Variants in EPHA7 observed in about 807,000 individuals in gnomAD.
EPHA7 encodes the protein EPH receptor A7, also known as ephrin type-A receptor 7.
In EPHA7, 25 loss-of-function variants were observed where a neutral mutation model predicts 112.6. The ratio of observed to expected loss-of-function variants is 0.22; its 90% CI spans 0.16 to 0.31. EPHA7 has a LOEUF of 0.31. EPHA7 is among the 10% of genes least tolerant of loss of function. The pLI, the probability that EPHA7 is intolerant of heterozygous loss-of-function variation, is 1.00. For synonymous variants in EPHA7, 437 were observed against 406.5 expected (o/e 1.07, Z -0.90); for missense variants, 962 against 1,212.6 (o/e 0.79, Z 3.07).
intron 5 of EPHA7, among the ~76,000 whole-genome samples, chr6:93,353,400 A>T (rs575661795): frequency 3.5e-4 from 54 of 152,296 alleles, no homozygotes; most frequent in African/African-American, 1.2e-3. Context: ...TAAAGCTAAG[A>T]TTTACATAAG....
At chr6:93,383,576 A>T (rs1327098518) in intron 3 of EPHA7, among the ~76,000 whole-genome samples, 1 of 152,170 alleles carries the variant, frequency 6.6e-6, no homozygotes, top group Non-Finnish European at 1.5e-5. Context: ...CCAAAATGTA[A>T]TATCTTAGGC....
At chr6:93,358,143 T>G (rs9345354) in intron 4 of EPHA7, 113 bp downstream of exon 4, 136,633 of 754,442 alleles carry the variant, frequency 0.18, 13,854 homozygotes, top group East Asian at 0.37. Context: ...AATTTTAATA[T>G]TTAAGTATAA....
intron 5 of EPHA7, among the ~76,000 whole-genome samples, chr6:93,276,370 C>A (rs1771470455): frequency 6.6e-6 from 1 of 151,962 alleles, no homozygotes; most frequent in African/African-American, 2.4e-5. Context: ...TTGACCAGTA[C>A]AGAAATCAAT....
intron 9 of EPHA7, among the ~76,000 whole-genome samples, 180 bp downstream of exon 9, chr6:93,263,680 T>G (rs1770793584): frequency 6.6e-6 from 1 of 151,520 alleles, no homozygotes; most frequent in Non-Finnish European, 1.5e-5. Flanking sequence ...TTTTATTTTT[T>G]CAAATTCACA....
rs188793705 is a variant in EPHA7, at chr6:93,241,315, T to C, written c.*2111A>G. ...ACACTCACTCAAACTCTTTCACTCA[T>C]TCTCACAAAGGCCAATGCTACTGAT... is the stretch of plus-strand genomic sequence containing the variant. On this transcript the variant is annotated 3_prime_UTR_variant, in exon 17 of 17. Coordinates refer to ENST00000369303, the MANE Select transcript of EPHA7 (RefSeq NM_004440.4). 3.4e-3 allele frequency: 744 copies of C among 219,306 alleles called. 2 individuals carry two copies. Among genetic ancestry groups the C allele is most frequent in the Admixed American group, 4.7e-3 (82 of 17,328 alleles). The allele number at this position is 219,306 out of a possible 1,614,324, so 13.6% of individuals were successfully genotyped here.
chr6:93,275,807 A>G (rs747115281), intron 5 of EPHA7, among the ~76,000 whole-genome samples: 2 of 152,076 alleles, frequency 1.3e-5, no homozygotes, highest in Non-Finnish European at 2.9e-5. Flanking sequence ...GGGTTTATGT[A>G]CAGACCTGAA....
chr6:93,376,210 A>G (rs1777052943), intron 3 of EPHA7, among the ~76,000 whole-genome samples: 1 of 152,066 alleles, frequency 6.6e-6, no homozygotes, highest in Admixed American at 6.6e-5. Context: ...TGGTATGATC[A>G]CTATTCACTG....
intron 5 of EPHA7, among the ~76,000 whole-genome samples, chr6:93,339,946 G>A (rs1775062998): frequency 6.6e-6 from 1 of 151,310 alleles, no homozygotes; most frequent in African/African-American, 2.4e-5. Flanking sequence ...AATTATATTC[G>A]CCATATTCCA....
intron 3 of EPHA7, among the ~76,000 whole-genome samples, chr6:93,373,539 C>A (rs1776905801): frequency 6.6e-6 from 1 of 152,092 alleles, no homozygotes; most frequent in Admixed American, 6.5e-5. Context: ...CCATTGACTT[C>A]TACTCATGAT....
Position 93,405,783 on chromosome 6 carries a change from ATGTGTGTG to A in EPHA7, c.832+4710_832+4717del, listed in dbSNP as rs371052750. ...TGGTGTTTCTTATATTTCTGTATAT[ATGTGTGTG>A]TGTGTGTGTGTGTGTGTGTGTGTAT... On this transcript the variant is annotated intron_variant, in intron 3 of 16. Transcript: ENST00000369303. 9.1e-3 allele frequency among the ~76,000 whole-genome samples: 860 copies of A among 94,980 alleles called. 8 individuals are homozygous for A. The highest frequency in any genetic ancestry group is 0.018 in the Middle Eastern group (3 of 164). The allele number at this position is 94,980 out of a possible 152,430, so 62.3% of individuals were successfully genotyped here.
At chr6:93,266,349 C>A (rs1375479713) in intron 7 of EPHA7, among the ~76,000 whole-genome samples, 2 of 151,546 alleles carry the variant, frequency 1.3e-5, no homozygotes, top group African/African-American at 4.8e-5. Flanking sequence ...GTCTTAGGCT[C>A]AGTTTTTCCC....
chr6:93,391,300 T>C (rs1777893862), intron 3 of EPHA7, among the ~76,000 whole-genome samples: 1 of 151,932 alleles, frequency 6.6e-6, no homozygotes, highest in South Asian at 2.1e-4. Context: ...CTGTGGCATC[T>C]TTACTTGAGA....
chr6:93,416,998 G>GTCGGGAAGAGGAGAGTGGCTT (rs1335909013), intron 1 of EPHA7, among the ~76,000 whole-genome samples: 32 of 152,190 alleles, frequency 2.1e-4, no homozygotes, highest in Non-Finnish European at 3.1e-4. Flanking sequence ...TCGAGAAGGA[G>GTCGGGAAGAGGAGAGTGGCTT]TCGGGAAGAG....
intron 5 of EPHA7, among the ~76,000 whole-genome samples, chr6:93,336,083 T>C (rs925319789): frequency 1.3e-5 from 2 of 152,144 alleles, no homozygotes; most frequent in Admixed American, 6.6e-5. Context: ...GTTTAAAAAA[T>C]AGTTCATGTA....
intron 3 of EPHA7, among the ~76,000 whole-genome samples, chr6:93,405,074 G>A (rs1488313184): frequency 6.6e-6 from 1 of 151,794 alleles, no homozygotes; most frequent in Admixed American, 6.6e-5. Flanking sequence ...TAATGTTCAA[G>A]ATGTTTTGAA....
At chr6:93,298,237 T>A (rs1772776098) in intron 5 of EPHA7, among the ~76,000 whole-genome samples, 2 of 152,094 alleles carry the variant, frequency 1.3e-5, no homozygotes, top group South Asian at 4.1e-4. Context: ...ACTGAATAGA[T>A]TAGTGGGAGC....
At chr6:93,299,894 G>A (rs1772884624) in intron 5 of EPHA7, among the ~76,000 whole-genome samples, 1 of 152,164 alleles carries the variant, frequency 6.6e-6, no homozygotes, top group African/African-American at 2.4e-5. Context: ...AATACTACAT[G>A]TTCTCACTTG....
intron 5 of EPHA7, among the ~76,000 whole-genome samples, chr6:93,349,500 A>G (rs1301262963): frequency 6.6e-6 from 1 of 151,924 alleles, no homozygotes; most frequent in African/African-American, 2.4e-5. Flanking sequence ...TGCAGACGGC[A>G]TAGGTGTACA....
chr6:93,310,521 C>T (rs13196061), intron 5 of EPHA7, among the ~76,000 whole-genome samples: 18,583 of 151,920 alleles, frequency 0.12, 1,419 homozygotes, highest in Admixed American at 0.22. Context: ...AGAAGTTAGC[C>T]GGGCGTGGTG....
Sources: gnomAD v4.1 joint callset for allele counts (sites outside exome capture counted in the v4.1 genomes callset) on GRCh38, gnomAD v4.1.1 for gene constraint, MANE v1.5 for transcripts, NCBI Gene and HGNC (gene_info 2026-07-23, HGNC 2026-07-21) for gene names.